The following ELMO1 variants were observed in gnomAD, a reference collection of about 807,000 sequenced individuals.
ELMO1 encodes the protein engulfment and cell motility 1.
In ELMO1, 26 loss-of-function variants were observed where a neutral mutation model predicts 98.9. The observed-to-expected ratio is 0.26, with a 90% confidence interval of 0.19 to 0.36. ELMO1 has a LOEUF of 0.36. Among genes scored for constraint, ELMO1 ranks in the 10% least tolerant of loss-of-function variants. ELMO1 has a pLI of 1.00. For missense variants in ELMO1, 627 were observed against 935.2 expected, an observed-to-expected ratio of 0.67 and a Z score of 4.30; for synonymous variants, 346 against 346.0, an observed-to-expected ratio of 1.00 and a Z score of 0.00.
At chr7:36,885,203 C>T (rs985088025) in intron 18 of ELMO1, among the ~76,000 whole-genome samples, 4 of 152,132 alleles carry the variant, frequency 2.6e-5, no homozygotes, top group African/African-American at 7.2e-5. Flanking sequence ...GATGGTCATG[C>T]TCCCTAGGGA....
At chr7:37,403,689 C>A (rs1803628606) in intron 1 of ELMO1, among the ~76,000 whole-genome samples, 1 of 152,068 alleles carries the variant, frequency 6.6e-6, no homozygotes. Flanking sequence ...GGACTACAGG[C>A]ACACATCACC....
chr7:36,937,232 G>A (rs753951202), intron 16 of ELMO1, among the ~76,000 whole-genome samples: 15 of 152,212 alleles, frequency 9.9e-5, no homozygotes, highest in Non-Finnish European at 1.9e-4. Flanking sequence ...CAGTCATACT[G>A]GAGCAGAGTT....
At chr7:37,401,702 T>A (rs1488700123) in intron 1 of ELMO1, among the ~76,000 whole-genome samples, 5 of 152,174 alleles carry the variant, frequency 3.3e-5, no homozygotes, top group Non-Finnish European at 7.3e-5. Context: ...ACACTCACTA[T>A]CACGAGAACA....
chr7:36,857,501 T>C (rs1194539375), intron 21 of ELMO1, among the ~76,000 whole-genome samples: 1 of 152,174 alleles, frequency 6.6e-6, no homozygotes, highest in African/African-American at 2.4e-5. Context: ...TCACACAGCC[T>C]TCCCAGGCCT....
At chr7:37,339,682 A>G (rs1170731447) in intron 2 of ELMO1, among the ~76,000 whole-genome samples, 1 of 152,172 alleles carries the variant, frequency 6.6e-6, no homozygotes, top group African/African-American at 2.4e-5. Flanking sequence ...CAACACTTCC[A>G]TAAGTCTCAT....
chr7:37,271,750 A>C (rs1796569285), intron 5 of ELMO1, 82 bp downstream of exon 5: 1 of 1,490,360 alleles, frequency 6.7e-7, no homozygotes, highest in Admixed American at 1.9e-5. Flanking sequence ...AGTCAACCTC[A>C]AAAATTAATA....
intron 18 of ELMO1, among the ~76,000 whole-genome samples, chr7:36,885,514 C>T (rs1231182204): frequency 2.0e-5 from 3 of 152,174 alleles, no homozygotes; most frequent in South Asian, 4.1e-4. Context: ...GCAGCGGAGG[C>T]AATGGGTGTC....
intron 1 of ELMO1, among the ~76,000 whole-genome samples, chr7:37,358,481 C>T (rs757084891): frequency 1.3e-5 from 2 of 152,066 alleles, no homozygotes; most frequent in South Asian, 2.1e-4. Flanking sequence ...TCTTATTGCC[C>T]AGAAAAATAC....
At chr7:37,176,038 G>A (rs922516022) in intron 13 of ELMO1, among the ~76,000 whole-genome samples, 8 of 152,162 alleles carry the variant, frequency 5.3e-5, no homozygotes, top group African/African-American at 1.9e-4. Flanking sequence ...GTGATGTTTG[G>A]AATGATATAC....
At chr7:37,358,543 A>G (rs1033538992) in intron 1 of ELMO1, among the ~76,000 whole-genome samples, 13 of 152,198 alleles carry the variant, frequency 8.5e-5, no homozygotes, top group African/African-American at 3.1e-4. Context: ...CAGGTCTGGT[A>G]ATGGGTACAG....
chr7:37,170,701 G>T (rs2129796754), intron 13 of ELMO1, among the ~76,000 whole-genome samples: 1 of 150,480 alleles, frequency 6.6e-6, no homozygotes, highest in African/African-American at 2.4e-5. Flanking sequence ...CTGCCTCCCA[G>T]GTTCAAGCGA....
chr7:37,157,291 A>ATAGAATTC (rs1788845563), intron 13 of ELMO1, among the ~76,000 whole-genome samples: 9 of 152,358 alleles, frequency 5.9e-5, no homozygotes, highest in Admixed American at 3.3e-4. Context: ...TTCCTATTCA[A>ATAGAATTC]CATAGTGTTG....
intron 7 of ELMO1, among the ~76,000 whole-genome samples, chr7:37,243,079 T>G (rs1344996422): frequency 6.6e-6 from 1 of 152,234 alleles, no homozygotes; most frequent in Non-Finnish European, 1.5e-5. Context: ...CTGATTGTGC[T>G]ACTGTGCCAT....
At chr7:37,043,086 T>C (rs1472495385) in intron 15 of ELMO1, among the ~76,000 whole-genome samples, 1 of 152,154 alleles carries the variant, frequency 6.6e-6, no homozygotes. Flanking sequence ...GCCCTCACAG[T>C]GTTCACTGTG....
At chr7:37,313,713 G>C (rs1012675508) in intron 4 of ELMO1, among the ~76,000 whole-genome samples, 2 of 152,042 alleles carry the variant, frequency 1.3e-5, no homozygotes, top group Admixed American at 1.3e-4. Context: ...GTAGAGCAAG[G>C]GAGTCCTAAG....
intron 4 of ELMO1, among the ~76,000 whole-genome samples, chr7:37,284,343 T>C (rs529327973): frequency 6.5e-4 from 99 of 152,244 alleles, no homozygotes; most frequent in African/African-American, 2.2e-3. Flanking sequence ...ACTGATGTGA[T>C]GAAGGGGATG....
At chr7:36,950,656 G>C (rs1014606070) in intron 16 of ELMO1, among the ~76,000 whole-genome samples, 4 of 152,232 alleles carry the variant, frequency 2.6e-5, no homozygotes, top group Non-Finnish European at 4.4e-5. Flanking sequence ...TCTTCCAGCA[G>C]ACCGAGTCAT....
intron 15 of ELMO1, among the ~76,000 whole-genome samples, chr7:37,085,077 G>A (rs578181053): frequency 1.3e-5 from 2 of 152,280 alleles, no homozygotes; most frequent in Admixed American, 1.3e-4. Flanking sequence ...AGTGGTTTTT[G>A]ATTGAAGTTC....
At position 37,135,497 on chromosome 7, in the gene ELMO1, T is replaced by G. The variant is rs116549029; in HGVS notation, c.1087-2263A>C. 2.9e-3 allele frequency among the ~76,000 whole-genome samples: 438 copies of G among 152,296 alleles called. 4 individuals are homozygous for G. Among genetic ancestry groups the G allele is most frequent in the African/African-American group, 9.9e-3 (411 of 41,550 alleles). ...CACTTCACTCCCCTGCTAACTCCAC[T>G]GAAGCAGGTGCAGGTATCAATGGCT... On this transcript the variant is annotated intron_variant, in intron 13 of 21. Transcript: ENST00000310758.
Sources: gnomAD v4.1 joint callset for allele counts (sites outside exome capture counted in the v4.1 genomes callset) on GRCh38, gnomAD v4.1.1 for gene constraint, MANE v1.5 for transcripts, NCBI Gene and HGNC (gene_info 2026-07-23, HGNC 2026-07-21) for gene names.